FZD3: variants seen among roughly 807,000 people sequenced by gnomAD.
FZD3 encodes the protein frizzled-3.
FZD3 carries 30 observed loss-of-function variants against 60.7 expected under a neutral mutation model. The ratio of observed to expected loss-of-function variants is 0.49; its 90% CI spans 0.37 to 0.67. The LOEUF is 0.67. Among genes scored for constraint, FZD3 ranks in the 30% least tolerant of loss-of-function variants. FZD3 has a pLI of 0.00. For missense variants in FZD3, 605 were observed against 838.7 expected (o/e 0.72, Z 3.44); for synonymous variants, 246 against 275.2 (o/e 0.89, Z 1.05).
chr8:28,555,863 C>G lies in FZD3; in HGVS notation c.1679C>G (p.Ala560Gly). The change falls in exon 7 of 8, where the codon GCT becomes GGT. Residue 560 changes from alanine to glycine, a missense_variant. Physicochemically the swap from Ala to Gly is moderately conservative, Grantham distance 60 (BLOSUM62 0). Coordinates refer to ENST00000240093, the MANE Select transcript of FZD3 (RefSeq NM_017412.4). ...TCCACTCAAGGAACATCCACCCATG[C>G]TTCTTCAACTCAGCTGGCTATGGTG... ...GTSTQGTSTH[A>G]SSTQLAMVDD... 5 of 1,613,634 alleles carry G rather than the reference C, an allele frequency of 3.1e-6. No homozygotes were observed. The highest frequency in any genetic ancestry group is 3.4e-6 in the Non-Finnish European group (4 of 1,179,524).
Position 28,547,728 on chromosome 8 carries a change from G to A in FZD3, c.1405-3875G>A, listed in dbSNP as rs560021173. On this transcript the variant is annotated intron_variant, in intron 5 of 7. Coordinates refer to ENST00000240093, the MANE Select transcript of FZD3 (RefSeq NM_017412.4). ...TTGTAGGAGTTTATTATTCATTAACGAAATTAGCCCTTTTATCTGCCATAT... is the reference window on the plus strand; with the variant it reads ...TTGTAGGAGTTTATTATTCATTAACAAAATTAGCCCTTTTATCTGCCATAT... 4.6e-5 allele frequency among the ~76,000 whole-genome samples: 7 copies of A among 152,190 alleles called. No individual in the cohort carries two copies. The South Asian group carries it at 8.3e-4, about 18-fold the overall frequency.
intron 1 of FZD3, among the ~76,000 whole-genome samples, chr8:28,498,235 G>A (rs941425161): frequency 1.3e-5 from 2 of 151,988 alleles, no homozygotes; most frequent in Admixed American, 6.5e-5. Context: ...GCAGGGCCCT[G>A]GCCCCTGAAG....
chr8:28,520,875 G>A (rs778178225), intron 4 of FZD3, 41 bp downstream of exon 4: 12 of 1,322,002 alleles, frequency 9.1e-6, no homozygotes, highest in South Asian at 1.6e-5. Flanking sequence ...TTCTTATGTT[G>A]CAATATGTTT....
intron 3 of FZD3, among the ~76,000 whole-genome samples, chr8:28,510,622 C>T (rs1436299748): frequency 6.6e-6 from 1 of 152,148 alleles, no homozygotes; most frequent in Non-Finnish European, 1.5e-5. Context: ...AGAGACAAAG[C>T]AGTTCAAGCC....
intron 4 of FZD3, among the ~76,000 whole-genome samples, chr8:28,526,855 C>T (rs2130371582): frequency 6.6e-6 from 1 of 152,262 alleles, no homozygotes; most frequent in South Asian, 2.1e-4. Context: ...GAAGGGAATT[C>T]ATGACAACGG....
chr8:28,533,160 G>A (rs1179894049), intron 5 of FZD3, among the ~76,000 whole-genome samples: 1 of 151,296 alleles, frequency 6.6e-6, no homozygotes. Flanking sequence ...TAATAAATAT[G>A]TTCTTTTTTT....
intron 3 of FZD3, among the ~76,000 whole-genome samples, chr8:28,505,345 C>A (rs1804108225): frequency 6.6e-6 from 1 of 151,774 alleles, no homozygotes; most frequent in Admixed American, 6.6e-5. Flanking sequence ...GAGTCCATTC[C>A]TTTTTTCTTT....
chr8:28,528,406 C>G (rs1450796502), intron 5 of FZD3, among the ~76,000 whole-genome samples: 1 of 150,656 alleles, frequency 6.6e-6, no homozygotes, highest in African/African-American at 2.4e-5. Flanking sequence ...CAGTGTACGT[C>G]TGTTGGTGAT....
At position 28,527,081 on chromosome 8, in the gene FZD3, A is replaced by G. The variant is rs1804731946; in HGVS notation, c.387-66A>G. On this transcript the variant is annotated intron_variant, in intron 4 of 7. Transcript: ENST00000240093. The surrounding 1 kb of genome is among the most constrained non-coding windows in gnomAD (Gnocchi z 5.0). The stretch of plus-strand genomic sequence containing the variant: ...TTGTGAGTGCCAGATTTGGAAATCC[A>G]AACTGTTAGATCGTGATAGATTTCC... 2 of 1,388,550 alleles carry G rather than the reference A, an allele frequency of 1.4e-6. No individual in the cohort carries two copies. Among genetic ancestry groups the G allele is most frequent in the Non-Finnish European group, 2.0e-6 (2 of 1,016,530 alleles). 86.0% of individuals were successfully genotyped at this position (1,388,550 alleles called of 1,614,324 possible).
chr8:28,499,135 A>G (rs1803923854), intron 1 of FZD3, among the ~76,000 whole-genome samples: 1 of 152,190 alleles, frequency 6.6e-6, no homozygotes, highest in Non-Finnish European at 1.5e-5. Context: ...TACTTCATAC[A>G]CAAAATAATG....
In FZD3 at chr8:28,500,608, A is replaced by G. The variant is rs3757883; in HGVS notation, c.-345+630A>G. ...AAGCAGATGAATATGCTGCATAAGTAATAAACTACAAAGACTGAACTTACA... is the reference window on the plus strand; with the variant it reads ...AAGCAGATGAATATGCTGCATAAGTGATAAACTACAAAGACTGAACTTACA... On this transcript the variant is annotated intron_variant, in intron 2 of 7. Coordinates refer to ENST00000240093, the MANE Select transcript of FZD3 (RefSeq NM_017412.4). Among the ~76,000 whole-genome samples the G allele has an allele frequency of 4.2e-3, 645 of 152,354 alleles. 3 individuals are homozygous for G. Among genetic ancestry groups the G allele is most frequent in the Middle Eastern group, 0.014 (4 of 294 alleles).
At chr8:28,494,752 G>C (rs1218134016) in intron 1 of FZD3, among the ~76,000 whole-genome samples, 2 of 152,052 alleles carry the variant, frequency 1.3e-5, no homozygotes, top group African/African-American at 4.8e-5. Context: ...CAGACCCTGC[G>C]CGGCGGAGAG....
Position 28,571,118 on chromosome 8 carries a change from A to G in FZD3, c.*8107A>G, listed in dbSNP as rs965610679. 3.2e-4 allele frequency: 48 copies of G among 152,098 alleles called. No homozygotes were observed. Among genetic ancestry groups the G allele is most frequent in the African/African-American group, 1.0e-3 (43 of 41,422 alleles). 9.4% of individuals were successfully genotyped at this position (152,098 alleles called of 1,614,324 possible). On this transcript the variant is annotated 3_prime_UTR_variant, in exon 8 of 8. Coordinates refer to ENST00000240093, the MANE Select transcript of FZD3 (RefSeq NM_017412.4). ...TTTGTTAAATTGAATCTGAGATTCA[A>G]ATATTTCATTTAATATTTTCTGGGT...
intron 3 of FZD3, among the ~76,000 whole-genome samples, chr8:28,518,365 C>G (rs1467555646): frequency 6.6e-6 from 1 of 152,004 alleles, no homozygotes; most frequent in African/African-American, 2.4e-5. Flanking sequence ...GCCAGCAGAT[C>G]ACTTTAATTC....
At chr8:28,508,817 G>T (rs148755925) in intron 3 of FZD3, among the ~76,000 whole-genome samples, 1 of 152,268 alleles carries the variant, frequency 6.6e-6, no homozygotes, top group African/African-American at 2.4e-5. Context: ...GAACCACCAT[G>T]CCTGGCCATG....
rs919764222 is a variant in FZD3, at chr8:28,569,546, A to G, written c.*6535A>G. 4.6e-5 allele frequency: 7 copies of G among 151,940 alleles called. No homozygotes were observed. Among genetic ancestry groups the G allele is most frequent in the Non-Finnish European group, 8.8e-5 (6 of 67,938 alleles). 9.4% of individuals were successfully genotyped at this position (151,940 alleles called of 1,614,324 possible). A position where few individuals can be genotyped will look rare whatever the true frequency, so the allele number is the denominator to read the frequency against. On this transcript the variant is annotated 3_prime_UTR_variant, in exon 8 of 8. Transcript: ENST00000240093. ...TTTTGGTCTCATTTTTATTCTTCTT[A>G]TTCATCCCATGAACTAGATCAACTT... is the stretch of plus-strand genomic sequence containing the variant.
chr8:28,528,007 A>C lies in FZD3; in HGVS notation c.1247A>C (p.Lys416Thr), dbSNP rs1804762540. 6.2e-7 allele frequency: 1 copy of C among 1,613,878 alleles called. No individual in the cohort carries two copies. Among genetic ancestry groups the C allele is most frequent in the African/African-American group, 1.3e-5 (1 of 74,900 alleles). Residue 416 changes from lysine to threonine, a missense_variant, in exon 5 of 8, where the codon AAG (lysine) becomes ACG (threonine). Transcript: ENST00000240093. ...LEKENQDKLV[K>T]FMIRIGVFSI... ...AAGGAGAACCAAGATAAATTAGTGA[A>C]GTTTATGATCCGGATCGGTGTTTTC...
chr8:28,553,995 T>G (rs76445865), intron 6 of FZD3, among the ~76,000 whole-genome samples: 1 of 152,222 alleles, frequency 6.6e-6, no homozygotes. Flanking sequence ...TGCTAACATA[T>G]AGATGCAAGC....
chr8:28,501,713 T>C (rs1286420569), intron 2 of FZD3, among the ~76,000 whole-genome samples: 1 of 152,210 alleles, frequency 6.6e-6, no homozygotes, highest in Non-Finnish European at 1.5e-5. Flanking sequence ...CCTGGAAAAG[T>C]ACATACAAGT....
Sources: gnomAD v4.1 joint callset for allele counts (sites outside exome capture counted in the v4.1 genomes callset) on GRCh38, gnomAD v4.1.1 for gene constraint, Gnocchi (gnomAD v3.1) non-coding constraint, MANE v1.5 for transcripts, NCBI Gene and HGNC (gene_info 2026-07-23, HGNC 2026-07-21) for gene names.